The following SLC38A6 variants were observed in gnomAD, a reference collection of about 807,000 sequenced individuals.
SLC38A6 encodes the protein solute carrier family 38 member 6.
Under a neutral mutation model 65.0 loss-of-function variants are expected in SLC38A6, and 73 were observed. The observed-to-expected ratio is 1.12, with a 90% CI of 0.93 to 1.37. The LOEUF (loss-of-function observed/expected upper bound fraction) is 1.37. SLC38A6 is among the 40% of genes most tolerant of loss of function. SLC38A6 has a pLI of 0.00. For missense variants in SLC38A6, 561 were observed against 531.1 expected (o/e 1.06, Z -0.55); for synonymous variants, 183 against 178.8 (o/e 1.02, Z -0.19).
intron 10 of SLC38A6, 141 bp downstream of exon 10, chr14:61,043,644 A>G (rs2139791650): frequency 6.6e-6 from 3 of 453,400 alleles, no homozygotes; most frequent in Non-Finnish European, 7.7e-6. Flanking sequence ...ATTGCCTACC[A>G]GAAGACTACT....
intron 1 of SLC38A6, chr14:60,981,626 G>C (rs1170754065): frequency 6.8e-7 from 1 of 1,460,656 alleles, no homozygotes; most frequent in Middle Eastern, 1.8e-4. Context: ...AAGAGATGCA[G>C]CGTTGAGTGG....
At chr14:61,057,997 T>A (rs1274794377) in intron 15 of SLC38A6, among the ~76,000 whole-genome samples, 4 of 139,206 alleles carry the variant, frequency 2.9e-5, no homozygotes, top group African/African-American at 1.1e-4. Context: ...TGTGTCTATT[T>A]GATTCTTCTC....
At chr14:61,068,449 G>C (rs1055576998) in intron 15 of SLC38A6, among the ~76,000 whole-genome samples, 5 of 152,144 alleles carry the variant, frequency 3.3e-5, no homozygotes, top group South Asian at 2.1e-4. Context: ...TTTCTCTGAT[G>C]TCAATGTATC....
At chr14:61,043,108 A>G (rs752167407) in intron 8 of SLC38A6, 39 bp from the exon 9 acceptor site, 1 of 1,261,834 alleles carries the variant, frequency 7.9e-7, no homozygotes, top group Non-Finnish European at 1.1e-6. Context: ...TTAATTTTAT[A>G]AGAAATGATC....
intron 5 of SLC38A6, among the ~76,000 whole-genome samples, chr14:61,022,943 G>A (rs551227308): frequency 1.4e-4 from 22 of 152,268 alleles, no homozygotes; most frequent in African/African-American, 5.1e-4. Context: ...CTATGATATA[G>A]CAAATGTTTG....
chr14:61,002,853 A>C (rs962778070), intron 3 of SLC38A6, among the ~76,000 whole-genome samples: 15 of 152,176 alleles, frequency 9.9e-5, no homozygotes, highest in African/African-American at 3.6e-4. Context: ...AGTCATGCCA[A>C]GTACTGTTTG....
intron 5 of SLC38A6, among the ~76,000 whole-genome samples, chr14:61,026,728 A>G (rs921809560): frequency 6.6e-6 from 1 of 151,624 alleles, no homozygotes; most frequent in South Asian, 2.1e-4. Context: ...TTCTCAACCC[A>G]GGCGGGCTGT....
At chr14:61,024,819 A>G (rs2040523675) in intron 5 of SLC38A6, among the ~76,000 whole-genome samples, 1 of 152,202 alleles carries the variant, frequency 6.6e-6, no homozygotes, top group African/African-American at 2.4e-5. Flanking sequence ...AGTGAAGTCA[A>G]TTGATGTTAT....
intron 3 of SLC38A6, among the ~76,000 whole-genome samples, chr14:61,013,760 A>T (rs535384810): frequency 6.6e-6 from 1 of 152,316 alleles, no homozygotes; most frequent in African/African-American, 2.4e-5. Flanking sequence ...ATCAGCTGTT[A>T]GTCTGATGGG....
intron 1 of SLC38A6, chr14:60,981,809 A>G: frequency 9.7e-7 from 1 of 1,032,778 alleles, no homozygotes; most frequent in Non-Finnish European, 1.3e-6. Flanking sequence ...ACATTTTAAT[A>G]CAGAAATTCT....
intron 2 of SLC38A6, 91 bp from the exon 3 acceptor site, chr14:60,984,639 T>C (rs899735685): frequency 4.2e-6 from 4 of 963,684 alleles, no homozygotes; most frequent in South Asian, 1.3e-5. Context: ...CTGTGAATAT[T>C]TGACTGTTAA....
intron 3 of SLC38A6, among the ~76,000 whole-genome samples, chr14:60,999,399 C>A (rs1418104347): frequency 6.6e-6 from 1 of 152,134 alleles, no homozygotes; most frequent in African/African-American, 2.4e-5. Flanking sequence ...GTGTGCTCCT[C>A]ATTTTTTTTC....
intron 3 of SLC38A6, among the ~76,000 whole-genome samples, chr14:61,003,886 A>C (rs1189326663): frequency 1.3e-5 from 2 of 152,148 alleles, no homozygotes; most frequent in African/African-American, 4.8e-5. Flanking sequence ...GGAAAGCTAG[A>C]ATTAGGATTT....
chr14:61,065,450 G>C (rs1379072664), intron 15 of SLC38A6, among the ~76,000 whole-genome samples: 1 of 152,180 alleles, frequency 6.6e-6, no homozygotes, highest in Non-Finnish European at 1.5e-5. Flanking sequence ...TGGTCTTCAT[G>C]TGCTCCTTTT....
chr14:61,026,735 C>A (rs2040634037), intron 5 of SLC38A6, among the ~76,000 whole-genome samples: 2 of 151,678 alleles, frequency 1.3e-5, no homozygotes, highest in Admixed American at 1.3e-4. Flanking sequence ...CCCAGGCGGG[C>A]TGTTTGCACC....
At chr14:61,013,261 T>G (rs889523211) in intron 3 of SLC38A6, among the ~76,000 whole-genome samples, 1 of 152,214 alleles carries the variant, frequency 6.6e-6, no homozygotes, top group African/African-American at 2.4e-5. Context: ...ATCCCTTTAT[T>G]TTGAGCCTAT....
At chr14:61,050,215 C>G (rs1393607265) in intron 12 of SLC38A6, among the ~76,000 whole-genome samples, 1 of 152,094 alleles carries the variant, frequency 6.6e-6, no homozygotes, top group Non-Finnish European at 1.5e-5. Context: ...AAACAAACAG[C>G]ACAAATGTTC....
chr14:61,005,614 C>G lies in SLC38A6; in HGVS notation c.311-10290C>G, dbSNP rs1351698483. ...CAAAGAGAATAAAGTACCTAGGAAT[C>G]CAACTTAGAAGGGATGTGAAGGACC... On this transcript the variant is annotated intron_variant, in intron 3 of 15. Coordinates refer to ENST00000267488, the MANE Select transcript of SLC38A6 (RefSeq NM_153811.3). Among the ~76,000 whole-genome samples, 6 of 152,002 alleles carry G rather than the reference C, an allele frequency of 3.9e-5. No individual in the cohort carries two copies. The East Asian group carries it at 9.6e-4, about 24-fold the overall frequency.
chr14:60,983,181 G>A (rs1186528355), intron 2 of SLC38A6, among the ~76,000 whole-genome samples: 1 of 152,054 alleles, frequency 6.6e-6, no homozygotes, highest in Non-Finnish European at 1.5e-5. Flanking sequence ...TATTCATTCT[G>A]TTATTATAAT....
Sources: gnomAD v4.1 joint callset for allele counts (sites outside exome capture counted in the v4.1 genomes callset) on GRCh38, gnomAD v4.1.1 for gene constraint, MANE v1.5 for transcripts, NCBI Gene and HGNC (gene_info 2026-07-23, HGNC 2026-07-21) for gene names.